DMD: variants seen among roughly 807,000 people sequenced by gnomAD.
DMD encodes the protein mutant dystrophin.
In DMD, 63 loss-of-function variants were observed where a neutral mutation model predicts 330.1. The observed-to-expected ratio is 0.19, with a 90% CI of 0.16 to 0.24. DMD has a LOEUF of 0.24. Ranked by LOEUF, DMD falls within the 10% of genes least tolerant of loss-of-function variation. DMD has a pLI of 1.00. For missense variants in DMD, 3,344 were observed against 2,684.1 expected (o/e 1.25, Z -5.43); for synonymous variants, 1,223 against 959.8 (o/e 1.27, Z -5.07).
intron 77 of DMD, among the ~76,000 whole-genome samples, chrX:31,131,253 C>T (rs973490445): frequency 8.9e-6 from 1 of 112,142 alleles, no homozygotes; most frequent in African/African-American, 3.2e-5. Context: ...TATTTTTAAA[C>T]CACTGGTTCA....
chrX:31,570,668 T>C (rs777940147), intron 55 of DMD, among the ~76,000 whole-genome samples: 1 of 88,290 alleles, frequency 1.1e-5, no homozygotes, highest in East Asian at 3.6e-4. Flanking sequence ...CGGGCCAGTA[T>C]AACTTAATAG....
In DMD at chrX:32,699,224, G is replaced by C. The variant is rs1166850826; in HGVS notation, c.719C>G (p.Pro240Arg). 8.3e-7 allele frequency: 1 copy of C among 1,209,248 alleles called. No homozygotes were observed. Among genetic ancestry groups the C allele is most frequent in the Non-Finnish European group, 1.1e-6 (1 of 893,466 alleles). Reference protein sequence around the residue: ...MYITSLFQVLPQQVSIEAIQE... With the variant: ...MYITSLFQVLRQQVSIEAIQE... Reference sequence around the variant, plus strand: ...GATGGCTTCAATGCTCACTTGTTGAGGCAAAACTTGGAAGAGTGATGTGAT... The same window carrying C: ...GATGGCTTCAATGCTCACTTGTTGACGCAAAACTTGGAAGAGTGATGTGAT... Residue 240 changes from proline (P) to arginine (R), a missense_variant, in exon 8 of 79, where the codon CCT becomes CGT. Coordinates refer to ENST00000357033, the MANE Select transcript of DMD (RefSeq NM_004006.3).
At chrX:32,737,162 A>G (rs563108782) in intron 7 of DMD, among the ~76,000 whole-genome samples, 3 of 110,440 alleles carry the variant, frequency 2.7e-5, no homozygotes, top group Admixed American at 9.7e-5. Context: ...TAAAATCTAT[A>G]TAATTTTTTT....
rs2083709738 is a variant in DMD, at chrX:32,879,566, A to G, written c.94-29746T>C. 2.7e-5 allele frequency among the ~76,000 whole-genome samples: 3 copies of G among 112,472 alleles called. No individual in the cohort carries two copies. The Admixed American group carries it at 2.8e-4, about 11-fold the overall frequency. On this transcript the variant is annotated intron_variant, in intron 2 of 78. Coordinates refer to ENST00000357033, the MANE Select transcript of DMD (RefSeq NM_004006.3). ...TCATTCAAAAAATATTTATTGAATG[A>G]CAGTTAAAGAGCCTTTACTGTATTT...
chrX:32,729,634 G>C (rs1603290859), intron 7 of DMD, among the ~76,000 whole-genome samples: 1 of 111,392 alleles, frequency 9.0e-6, no homozygotes, highest in South Asian at 3.8e-4. Context: ...GTAAGTTTTT[G>C]TTAAAAAGAA....
intron 1 of DMD, among the ~76,000 whole-genome samples, chrX:33,062,299 G>C (rs987851843): frequency 4.5e-5 from 5 of 111,204 alleles, no homozygotes; most frequent in African/African-American, 1.6e-4. Context: ...ACAACAGAAG[G>C]AATTGAATTG....
intron 45 of DMD, among the ~76,000 whole-genome samples, chrX:31,940,224 G>A (rs948964439): frequency 4.5e-5 from 5 of 111,895 alleles, no homozygotes; most frequent in African/African-American, 1.6e-4. Flanking sequence ...ATTTTATAAA[G>A]GGTGATCATA....
intron 7 of DMD, among the ~76,000 whole-genome samples, chrX:32,735,951 A>G (rs1235751601): frequency 8.9e-6 from 1 of 111,896 alleles, no homozygotes; most frequent in African/African-American, 3.3e-5. Context: ...CTGCACAACA[A>G]AAGAAACTAC....
chrX:31,858,323 T>C (rs766411257), intron 48 of DMD, among the ~76,000 whole-genome samples: 1 of 111,806 alleles, frequency 8.9e-6, no homozygotes, highest in East Asian at 2.8e-4. Flanking sequence ...TTATGATATA[T>C]TTTCATACTG....
intron 2 of DMD, among the ~76,000 whole-genome samples, chrX:32,909,153 A>AG (rs1427990043): frequency 2.7e-5 from 1 of 36,370 alleles, no homozygotes; most frequent in African/African-American, 7.5e-5. Flanking sequence ...ATATGAGCAA[A>AG]AAAAAAAAAA....
At chrX:31,762,827 C>A (rs1465043993) in intron 51 of DMD, among the ~76,000 whole-genome samples, 2 of 112,156 alleles carry the variant, frequency 1.8e-5, no homozygotes, top group African/African-American at 6.5e-5. Context: ...TTCTAAAATT[C>A]TTAGAGTGTC....
intron 62 of DMD, among the ~76,000 whole-genome samples, chrX:31,310,716 ATTTTT>A (rs1230035132): frequency 1.2e-5 from 1 of 84,322 alleles, no homozygotes. Context: ...CATGCCAAGG[ATTTTT>A]TTTTTTTTTT....
chrX:32,611,425 TTTC>T (rs1481811186), intron 12 of DMD, among the ~76,000 whole-genome samples: 2 of 111,701 alleles, frequency 1.8e-5, no homozygotes, highest in African/African-American at 6.5e-5. Flanking sequence ...TTTCACATTT[TTTC>T]TTCAAGGCAA....
At position 31,173,606 on chromosome X, in the gene DMD, T is replaced by A; in HGVS notation, c.10263-2A>T. 8.3e-7 allele frequency: 1 copy of A among 1,208,261 alleles called. No individual in the cohort carries two copies. Among genetic ancestry groups the A allele is most frequent in the Non-Finnish European group, 1.1e-6 (1 of 893,031 alleles). On this transcript the variant is annotated splice_acceptor_variant, in intron 71 of 78. Transcript: ENST00000357033. LOFTEE classifies it high-confidence loss of function. ...GAAAGCTGAGGGGACGAGGCAGGCC[T>A]ATAAGGCAGAAAATGTGATTAGTCA...
intron 1 of DMD, among the ~76,000 whole-genome samples, chrX:33,206,043 A>C (rs1189328208): frequency 8.9e-6 from 1 of 111,794 alleles, no homozygotes; most frequent in African/African-American, 3.2e-5. Flanking sequence ...CATTGGCTTT[A>C]ATAATGCATT....
chrX:32,615,153 C>A (rs2057466001), intron 11 of DMD, among the ~76,000 whole-genome samples: 1 of 110,768 alleles, frequency 9.0e-6, no homozygotes, highest in African/African-American at 3.3e-5. Context: ...CTGGCTGAGC[C>A]CTGCTTATAT....
intron 76 of DMD, among the ~76,000 whole-genome samples, chrX:31,145,662 A>AT (rs749721258): frequency 0.012 from 1,071 of 86,272 alleles, 30 homozygotes; most frequent in African/African-American, 0.036. Flanking sequence ...TGGGAACTCT[A>AT]TTTTTTTTTT....
chrX:31,136,786 A>G (rs1012977315), intron 76 of DMD, among the ~76,000 whole-genome samples: 1 of 111,970 alleles, frequency 8.9e-6, no homozygotes, highest in Non-Finnish European at 1.9e-5. Flanking sequence ...TTTTCCAGAT[A>G]AACTCTCTGT....
intron 44 of DMD, among the ~76,000 whole-genome samples, chrX:32,166,405 C>G (rs1718048): frequency 5.4e-5 from 6 of 111,046 alleles, no homozygotes; most frequent in Non-Finnish European, 9.4e-5. Context: ...CTGCAGTGAG[C>G]CATGATCACG....
Sources: allele counts gnomAD v4.1 joint callset (sites outside exome capture counted in the v4.1 genomes callset), GRCh38; gene constraint gnomAD v4.1.1; transcripts MANE v1.5; gene names NCBI Gene and HGNC (gene_info 2026-07-23, HGNC 2026-07-21).